Variants in RNF212 observed in about 807,000 individuals in gnomAD.
The protein encoded by RNF212 is probable E3 SUMO-protein ligase RNF212.
A neutral mutation model predicts 34.7 loss-of-function variants in RNF212; 33 were observed. That is an observed-to-expected ratio of 0.95 (90% CI 0.72 to 1.27). RNF212 has a LOEUF of 1.27. RNF212 is among the 50% of genes most tolerant of loss of function. RNF212 has a pLI of 0.00. For missense variants in RNF212, 377 were observed against 362.2 expected, an observed-to-expected ratio of 1.04 and a Z score of -0.33; for synonymous variants, 140 against 136.1, an observed-to-expected ratio of 1.03 and a Z score of -0.20.
At chr4:1,104,091 T>C (rs1248392040) in intron 2 of RNF212, among the ~76,000 whole-genome samples, 3 of 152,128 alleles carry the variant, frequency 2.0e-5, no homozygotes, top group Non-Finnish European at 2.9e-5. Flanking sequence ...TTGAGAAAAA[T>C]TGTTTAAAAC....
At chr4:1,078,490 C>A (rs554428572) in intron 8 of RNF212, among the ~76,000 whole-genome samples, 92 of 152,228 alleles carry the variant, frequency 6.0e-4, no homozygotes, top group Non-Finnish European at 1.1e-3. Context: ...GGCAGGTTTC[C>A]TCTGGTCTTG....
intron 2 of RNF212, among the ~76,000 whole-genome samples, chr4:1,098,616 C>A (rs940334187): frequency 1.3e-5 from 2 of 152,206 alleles, no homozygotes; most frequent in African/African-American, 2.4e-5. Context: ...GTATGTCCAA[C>A]ACCACAGGCA....
At chr4:1,089,074 G>A (rs755853138) in intron 4 of RNF212, among the ~76,000 whole-genome samples, 1 of 152,246 alleles carries the variant, frequency 6.6e-6, no homozygotes, top group Non-Finnish European at 1.5e-5. Flanking sequence ...GAGAAGCCAT[G>A]AGAAGAGGGC....
intron 3 of RNF212, among the ~76,000 whole-genome samples, chr4:1,065,658 C>T (rs1195374548): frequency 6.6e-6 from 1 of 152,084 alleles, no homozygotes; most frequent in Non-Finnish European, 1.5e-5. Context: ...GGGGTTTTGC[C>T]CAGGCTGGTC....
chr4:1,062,362 C>T (rs1365153089), intron 3 of RNF212, among the ~76,000 whole-genome samples: 1 of 152,190 alleles, frequency 6.6e-6, no homozygotes, highest in Non-Finnish European at 1.5e-5. Context: ...TATATTCTAT[C>T]AATGGAAGTA....
chr4:1,093,831 G>C, intron 3 of RNF212: 2 of 1,536,252 alleles, frequency 1.3e-6, no homozygotes. Context: ...GTGTTTCCCT[G>C]GGCCTCTGGC....
At chr4:1,101,323 A>G (rs1222775252) in intron 2 of RNF212, 2 of 269,032 alleles carry the variant, frequency 7.4e-6, no homozygotes, top group East Asian at 1.8e-4. Context: ...GGTAGACAAT[A>G]CTGAGCAGAA....
At chr4:1,087,909 T>C (rs1452027781) in intron 4 of RNF212, among the ~76,000 whole-genome samples, 6 of 151,990 alleles carry the variant, frequency 3.9e-5, no homozygotes, top group Non-Finnish European at 8.8e-5. Flanking sequence ...CCTGAGGCCT[T>C]CCCAGCCATG....
Position 1,079,708 on chromosome 4 carries a change from A to G in RNF212, c.465-20T>C. The stretch of plus-strand genomic sequence containing the variant: ...TCCAGTCTGTTAAACACATAGTGAA[A>G]GGCTTTGAGTGAGCCCAGGACTTAC... On this transcript the variant is annotated intron_variant, in intron 7 of 9. Coordinates refer to ENST00000433731, the MANE Select transcript of RNF212 (RefSeq NM_001131034.4). The G allele has an allele frequency of 6.3e-7, 1 of 1,596,272 alleles. No homozygotes were observed. Among genetic ancestry groups the G allele is most frequent in the Non-Finnish European group, 8.6e-7 (1 of 1,163,774 alleles).
At chr4:1,094,009 G>A in intron 3 of RNF212, 1 of 1,533,210 alleles carries the variant, frequency 6.5e-7, no homozygotes, top group Non-Finnish European at 8.7e-7. Flanking sequence ...GGGAAAGCCT[G>A]AGATACTGTG....
chr4:1,100,889 A>G, intron 2 of RNF212: 1 of 163,772 alleles, frequency 6.1e-6, no homozygotes, highest in South Asian at 1.7e-4. Flanking sequence ...CTCTCATGTC[A>G]CATGAGCAAA....
intron 1 of RNF212, among the ~76,000 whole-genome samples, chr4:1,112,851 T>C (rs1377417552): frequency 1.6e-5 from 1 of 60,954 alleles, no homozygotes; most frequent in Non-Finnish European, 3.1e-5. Context: ...ATCCCCCACC[T>C]TGCCCCCCTC....
Position 1,090,815 on chromosome 4 carries a change from G to T in RNF212, c.270C>A (p.His90Gln), listed in dbSNP as rs1465196855. The T allele has an allele frequency of 3.8e-6, 6 of 1,593,428 alleles. No homozygotes were observed. Among genetic ancestry groups the T allele is most frequent in the Admixed American group, 3.3e-5 (2 of 59,828 alleles). ...TSQILEFQEK[H>Q]RKRLLAFYRE... ...TATAGAAGGCTAACAATCTCTTCCT[G>T]TGTTTTTCTTGAAATTCTAAAATCT... is the stretch of plus-strand genomic sequence containing the variant. Residue 90 changes from histidine (H) to glutamine (Q), a missense_variant, in exon 4 of 10, where the codon CAC becomes CAA. By Grantham distance (24) the His-to-Gln change is conservative (BLOSUM62 0). Coordinates refer to ENST00000433731, the MANE Select transcript of RNF212 (RefSeq NM_001131034.4).
chr4:1,080,106 C>G (rs1368501354), intron 7 of RNF212, among the ~76,000 whole-genome samples: 1 of 152,212 alleles, frequency 6.6e-6, no homozygotes, highest in Non-Finnish European at 1.5e-5. Flanking sequence ...GCCACACATA[C>G]CACACCGTGC....
At chr4:1,075,768 T>C (rs1013949866) in intron 8 of RNF212, among the ~76,000 whole-genome samples, 5 of 152,298 alleles carry the variant, frequency 3.3e-5, no homozygotes, top group African/African-American at 1.2e-4. Flanking sequence ...CTCAACCTCC[T>C]GGTGGTGATC....
chr4:1,069,671 A>G (rs900504424), downstream of RNF212, among the ~76,000 whole-genome samples: 2 of 152,244 alleles, frequency 1.3e-5, no homozygotes, highest in African/African-American at 4.8e-5. Context: ...TGATGTGCTA[A>G]GCAGAGCAGT....
rs373544321 is a variant in RNF212 at position 1,079,133 on chromosome 4, G to C, written c.510+510C>G. On this transcript the variant is annotated intron_variant, in intron 8 of 9. Transcript: ENST00000433731. The stretch of plus-strand genomic sequence containing the variant: ...ACAGGGTCAACACAGGACCAACATA[G>C]GACCAACACAGGGTCAACACAGGAC... Among the ~76,000 whole-genome samples, 61 of 151,622 alleles carry C rather than the reference G, an allele frequency of 4.0e-4. 2 individuals carry two copies. In the East Asian group the frequency reaches 9.4e-3, roughly 23 times the overall value.
chr4:1,057,087 G>T, intron 4 of RNF212: 1 of 674,942 alleles, frequency 1.5e-6, no homozygotes, highest in Non-Finnish European at 1.8e-6. Context: ...CCGTTTTGTG[G>T]TTTTAAAGGC....
At chr4:1,090,900 G>T (rs1577734248) in intron 3 of RNF212, 62 bp from the exon 4 acceptor site, 13 of 1,068,436 alleles carry the variant, frequency 1.2e-5, no homozygotes, top group Non-Finnish European at 1.6e-5. Context: ...CTGGAGTTTT[G>T]TTGGGGGAGG....
Sources: allele counts gnomAD v4.1 joint callset (sites outside exome capture counted in the v4.1 genomes callset), GRCh38; gene constraint gnomAD v4.1.1; transcripts MANE v1.5; gene names NCBI Gene and HGNC (gene_info 2026-07-23, HGNC 2026-07-21).